Variants in PRELID2 observed in about 807,000 individuals in gnomAD.
The protein encoded by PRELID2 is PRELI domain containing 2, also known as PRELI domain-containing protein 2.
Under a neutral mutation model 28.4 loss-of-function variants are expected in PRELID2, and 25 were observed. The observed-to-expected ratio is 0.88, with a 90% CI of 0.64 to 1.23. PRELID2 has a LOEUF of 1.23. Among genes scored for constraint, PRELID2 ranks in the 50% most tolerant of loss-of-function variants. The pLI is 0.00. For missense variants in PRELID2, 201 were observed against 214.4 expected, an observed-to-expected ratio of 0.94 and a Z score of 0.39; for synonymous variants, 76 against 71.6, an observed-to-expected ratio of 1.06 and a Z score of -0.31.
chr5:145,463,992 T>C, the PRELID2 span, among the ~76,000 whole-genome samples: 1 of 152,180 alleles, frequency 6.6e-6, no homozygotes, highest in Non-Finnish European at 1.5e-5. Flanking sequence ...TGGGTAGAAT[T>C]CTACCTTTTT....
At chr5:145,700,795 C>T (rs1395096883) in intron 1 of PRELID2, among the ~76,000 whole-genome samples, 1 of 152,220 alleles carries the variant, frequency 6.6e-6, no homozygotes, top group African/African-American at 2.4e-5. Context: ...TCGGTTCCAC[C>T]TGCCACAGTG....
At chr5:145,621,844 G>A (rs560903758) in intron 1 of PRELID2, among the ~76,000 whole-genome samples, 156 of 152,124 alleles carry the variant, frequency 1.0e-3, no homozygotes, top group Non-Finnish European at 1.8e-3. Flanking sequence ...AGAGAATTTC[G>A]GATGTTCATA....
chr5:145,697,058 TA>T (rs1301030344), intron 1 of PRELID2, among the ~76,000 whole-genome samples: 2 of 119,996 alleles, frequency 1.7e-5, no homozygotes, highest in Middle Eastern at 3.4e-3. Context: ...TATATATATA[TA>T]TATATATATA....
At chr5:145,648,322 A>C (rs1203147788) in intron 1 of PRELID2, among the ~76,000 whole-genome samples, 1 of 152,194 alleles carries the variant, frequency 6.6e-6, no homozygotes, top group Admixed American at 6.5e-5. Context: ...TAAACACTAA[A>C]TAATGTTTGA....
At chr5:145,726,894 T>C (rs1201079948) in intron 1 of PRELID2, among the ~76,000 whole-genome samples, 8 of 152,182 alleles carry the variant, frequency 5.3e-5, no homozygotes, top group Admixed American at 2.0e-4. Flanking sequence ...TGTCTGGAAG[T>C]AAATTATAAC....
the PRELID2 span, among the ~76,000 whole-genome samples, chr5:145,425,190 A>C: frequency 6.6e-6 from 1 of 152,242 alleles, no homozygotes. Flanking sequence ...AGAAATGCAA[A>C]TCAAAACCAC....
chr5:145,594,859 G>T (rs990026308), intron 1 of PRELID2, among the ~76,000 whole-genome samples: 1 of 152,114 alleles, frequency 6.6e-6, no homozygotes, highest in Non-Finnish European at 1.5e-5. Context: ...AGGCACGGTG[G>T]CTCACGCCTA....
Position 145,835,171 on chromosome 5 carries a change from C to T in PRELID2, c.75+6G>A, listed in dbSNP as rs1452926205. The T allele has an allele frequency of 3.2e-6, 5 of 1,543,848 alleles. No individual in the cohort carries two copies. Among genetic ancestry groups the T allele is most frequent in the Admixed American group, 3.9e-5 (2 of 50,846 alleles). ...CGGGATACGGAAGGTGGAAGCGGGG[C>T]GGTACCTTTCGGAGAAAGCTGGCGA... On this transcript the variant is annotated splice_donor_region_variant and intron_variant, in intron 1 of 6. Coordinates refer to ENST00000683046, the MANE Select transcript of PRELID2 (RefSeq NM_205846.3).
the PRELID2 span, among the ~76,000 whole-genome samples, chr5:145,351,303 G>A: frequency 6.6e-6 from 1 of 152,130 alleles, no homozygotes; most frequent in African/African-American, 2.4e-5. Context: ...AGTTCCACAT[G>A]GTTGGGGAGG....
the PRELID2 span, among the ~76,000 whole-genome samples, chr5:145,360,555 G>C: frequency 2.0e-3 from 297 of 152,274 alleles, 2 homozygotes; most frequent in African/African-American, 6.8e-3. Flanking sequence ...AGCCTATTGT[G>C]CATTTCAATA....
chr5:145,564,959 C>T (rs1015848918), intron 1 of PRELID2, among the ~76,000 whole-genome samples: 2 of 152,190 alleles, frequency 1.3e-5, no homozygotes, highest in South Asian at 2.1e-4. Context: ...CACCCTGCTT[C>T]GGCTCACCCT....
the PRELID2 span, among the ~76,000 whole-genome samples, chr5:145,285,339 A>G: frequency 1.3e-5 from 2 of 152,140 alleles, no homozygotes; most frequent in Non-Finnish European, 2.9e-5. Flanking sequence ...GTTATCCTAA[A>G]GATAGCACTA....
At chr5:145,394,499 G>A in the PRELID2 span, among the ~76,000 whole-genome samples, 1 of 151,760 alleles carries the variant, frequency 6.6e-6, no homozygotes, top group Non-Finnish European at 1.5e-5. Context: ...AAGTTAATGG[G>A]TGCAGCACAC....
chr5:145,328,072 G>A, the PRELID2 span, among the ~76,000 whole-genome samples: 2 of 151,996 alleles, frequency 1.3e-5, no homozygotes, highest in Non-Finnish European at 2.9e-5. Context: ...GCTGAGAATG[G>A]TGGTTTCCAG....
At chr5:145,510,239 T>C (rs928966246) in intron 1 of PRELID2, among the ~76,000 whole-genome samples, 2 of 152,196 alleles carry the variant, frequency 1.3e-5, no homozygotes, top group South Asian at 2.1e-4. Context: ...GAACTTGACC[T>C]ATCATGTTTG....
intron 1 of PRELID2, among the ~76,000 whole-genome samples, chr5:145,672,919 C>G (rs919553612): frequency 1.3e-5 from 2 of 151,982 alleles, no homozygotes; most frequent in Non-Finnish European, 2.9e-5. Flanking sequence ...GAATATATAC[C>G]TCACACAGCT....
chr5:145,445,208 GA>G, the PRELID2 span, among the ~76,000 whole-genome samples: 1 of 152,034 alleles, frequency 6.6e-6, no homozygotes, highest in Non-Finnish European at 1.5e-5. Context: ...ACAAAATAGA[GA>G]ACCCAGAAAT....
chr5:145,824,469 T>TGTGTGA (rs1554100823), intron 1 of PRELID2, among the ~76,000 whole-genome samples: 6 of 144,218 alleles, frequency 4.2e-5, no homozygotes, highest in Admixed American at 7.0e-5. Context: ...TGTGTGATAT[T>TGTGTGA]GATTTATTAA....
At chr5:145,650,828 G>A (rs1044579477) in intron 1 of PRELID2, among the ~76,000 whole-genome samples, 1 of 151,978 alleles carries the variant, frequency 6.6e-6, no homozygotes. Flanking sequence ...CTCCCAGTGT[G>A]AGCGATGCAG....
Sources: allele counts gnomAD v4.1 joint callset (sites outside exome capture counted in the v4.1 genomes callset), GRCh38; gene constraint gnomAD v4.1.1; transcripts MANE v1.5; gene names NCBI Gene and HGNC (gene_info 2026-07-23, HGNC 2026-07-21).